The following MGAT4C variants were observed in gnomAD, a reference collection of about 807,000 sequenced individuals.
MGAT4C encodes alpha-1,3-mannosyl-glycoprotein 4-beta-N-acetylglucosaminyltransferase C.
A neutral mutation model predicts 40.1 loss-of-function variants in MGAT4C; 19 were observed. That is an observed-to-expected ratio of 0.47 (90% CI 0.33 to 0.70). The LOEUF is 0.70. MGAT4C is among the 30% of genes least tolerant of loss of function. The probability of loss-of-function intolerance (pLI) is 0.02; values close to 1 mark genes in which losing one functional copy is unlikely to be tolerated. For missense variants in MGAT4C, 491 were observed against 563.2 expected (o/e 0.87, Z 1.30); for synonymous variants, 181 against 187.1 (o/e 0.97, Z 0.27).
At chr12:86,838,196 A>G (rs1163509318) in intron 1 of MGAT4C, among the ~76,000 whole-genome samples, 1 of 152,172 alleles carries the variant, frequency 6.6e-6, no homozygotes, top group Non-Finnish European at 1.5e-5. Context: ...TTCATCATTC[A>G]AATATTTATG....
At chr12:86,213,393 G>C (rs572005793) in intron 1 of MGAT4C, among the ~76,000 whole-genome samples, 2 of 152,324 alleles carry the variant, frequency 1.3e-5, no homozygotes, top group African/African-American at 4.8e-5. Flanking sequence ...CAAAATGATT[G>C]CACAGGGACA....
At chr12:86,526,649 G>A (rs1220738937) in intron 2 of MGAT4C, among the ~76,000 whole-genome samples, 3 of 152,164 alleles carry the variant, frequency 2.0e-5, no homozygotes, top group African/African-American at 7.2e-5. Flanking sequence ...TCACCTATGG[G>A]CAAGAATGCC....
At chr12:86,159,320 C>T (rs986166487) in intron 1 of MGAT4C, among the ~76,000 whole-genome samples, 37 of 152,048 alleles carry the variant, frequency 2.4e-4, no homozygotes, top group African/African-American at 6.7e-4. Context: ...CAGTGAATCA[C>T]ATTTATTGAT....
chr12:86,326,903 A>G (rs140416840), intron 4 of MGAT4C, among the ~76,000 whole-genome samples: 100 of 152,296 alleles, frequency 6.6e-4, no homozygotes, highest in African/African-American at 2.4e-3. Flanking sequence ...AAGCTAGTTA[A>G]GAAGGATGAT....
rs1284502477 is a variant in MGAT4C at position 85,978,114 on chromosome 12, AG to A, written c.*1174del. The A allele has an allele frequency of 1.3e-5, 2 of 151,604 alleles. No individual in the cohort carries two copies. Among genetic ancestry groups the A allele is most frequent in the Non-Finnish European group, 3.0e-5 (2 of 67,640 alleles). The allele number at this position is 151,604 out of a possible 1,614,324, so 9.4% of individuals were successfully genotyped here. A position where few individuals can be genotyped will look rare whatever the true frequency, so the allele number is the denominator to read the frequency against. ...TGCTTATACCAAAAAAGCATCATTT[AG>A]GACATTATTTAGGATAATATTATTT... On this transcript the variant is annotated 3_prime_UTR_variant, in exon 5 of 5. Coordinates refer to ENST00000611864, the MANE Select transcript of MGAT4C (RefSeq NM_001351288.2).
At chr12:86,640,699 T>A (rs1474029920) in intron 2 of MGAT4C, among the ~76,000 whole-genome samples, 1 of 152,014 alleles carries the variant, frequency 6.6e-6, no homozygotes, top group African/African-American at 2.4e-5. Context: ...GATGTTAGGG[T>A]GTCAATTTTG....
intron 2 of MGAT4C, among the ~76,000 whole-genome samples, chr12:86,675,640 G>A (rs2136570336): frequency 6.6e-6 from 1 of 152,142 alleles, no homozygotes; most frequent in South Asian, 2.1e-4. Flanking sequence ...TCTGAAATGG[G>A]GCTTTGCCAC....
intron 1 of MGAT4C, among the ~76,000 whole-genome samples, chr12:86,083,908 G>A (rs1192736521): frequency 6.6e-6 from 1 of 152,038 alleles, no homozygotes; most frequent in Non-Finnish European, 1.5e-5. Flanking sequence ...ATAATTGAGA[G>A]AAGAGATGTT....
chr12:86,154,647 T>G (rs1314627633), intron 1 of MGAT4C, among the ~76,000 whole-genome samples: 1 of 152,180 alleles, frequency 6.6e-6, no homozygotes, highest in African/African-American at 2.4e-5. Flanking sequence ...GGTTCTCACA[T>G]TATACTTTAA....
intron 4 of MGAT4C, among the ~76,000 whole-genome samples, chr12:86,328,887 C>T (rs1330696737): frequency 6.6e-5 from 10 of 151,096 alleles, no homozygotes; most frequent in Admixed American, 2.6e-4. Flanking sequence ...GGGCATATCA[C>T]GAGGTCAGGA....
chr12:86,654,889 T>A (rs911257868), intron 2 of MGAT4C, among the ~76,000 whole-genome samples: 1 of 151,972 alleles, frequency 6.6e-6, no homozygotes, highest in African/African-American at 2.4e-5. Flanking sequence ...CTAGAACTTT[T>A]TGTGGAAGGA....
At chr12:86,189,728 G>C (rs774951825) in intron 1 of MGAT4C, among the ~76,000 whole-genome samples, 10 of 152,044 alleles carry the variant, frequency 6.6e-5, no homozygotes, top group South Asian at 4.1e-4. Context: ...TATTTTCTTT[G>C]AAAGCAAAAC....
chr12:86,290,066 A>G (rs1245168258), intron 4 of MGAT4C, among the ~76,000 whole-genome samples: 1 of 149,446 alleles, frequency 6.7e-6, no homozygotes, highest in Non-Finnish European at 1.5e-5. Flanking sequence ...TTTTTTTTTG[A>G]GACGGAGTCT....
intron 2 of MGAT4C, among the ~76,000 whole-genome samples, chr12:86,045,873 A>C (rs939166168): frequency 6.6e-6 from 1 of 152,166 alleles, no homozygotes; most frequent in African/African-American, 2.4e-5. Context: ...TTTTATTGTG[A>C]ATTAAAAATT....
At chr12:86,774,221 G>A (rs1052775685) in intron 1 of MGAT4C, among the ~76,000 whole-genome samples, 4 of 151,696 alleles carry the variant, frequency 2.6e-5, no homozygotes, top group African/African-American at 9.7e-5. Context: ...CTAAAGTGCT[G>A]GGATTACAGG....
chr12:86,819,906 T>A (rs1386938615), intron 1 of MGAT4C, among the ~76,000 whole-genome samples: 4 of 150,620 alleles, frequency 2.7e-5, no homozygotes, highest in African/African-American at 9.7e-5. Flanking sequence ...AACAAATAAG[T>A]AAAGCTGTCC....
At chr12:86,672,816 G>T (rs549403270) in intron 2 of MGAT4C, among the ~76,000 whole-genome samples, 1 of 152,034 alleles carries the variant, frequency 6.6e-6, no homozygotes, top group East Asian at 1.9e-4. Context: ...TTACTACCTG[G>T]GTAATGGAGT....
rs1053119688 is a variant in MGAT4C, at chr12:86,275,972, A to T, written c.-57+58093T>A. Among the ~76,000 whole-genome samples, 423 of 144,966 alleles carry T rather than the reference A, an allele frequency of 2.9e-3. 2 individuals are homozygous for T. The highest frequency in any genetic ancestry group is 0.011 in the African/African-American group (412 of 37,868). On this transcript the variant is annotated intron_variant, in intron 4 of 7. Transcript: ENST00000548651. ...AAAAAAAAAAAAAAAAAAAAAAAAA[A>T]ATTAGCCGGGCGTGGTGTTGGCCGC...
At chr12:86,479,761 A>G (rs1182615936) in intron 2 of MGAT4C, among the ~76,000 whole-genome samples, 1 of 151,896 alleles carries the variant, frequency 6.6e-6, no homozygotes, top group East Asian at 1.9e-4. Context: ...TTTCAAAGTT[A>G]CCTACATCTA....
Sources: gnomAD v4.1 joint callset for allele counts (sites outside exome capture counted in the v4.1 genomes callset) on GRCh38, gnomAD v4.1.1 for gene constraint, MANE v1.5 for transcripts, NCBI Gene and HGNC (gene_info 2026-07-23, HGNC 2026-07-21) for gene names.